ARF5: variants seen among roughly 807,000 people sequenced by gnomAD.
ARF5 encodes the protein ARF GTPase 5.
Under a neutral mutation model 24.8 loss-of-function variants are expected in ARF5, and 10 were observed. The observed-to-expected ratio is 0.40, with a 90% CI of 0.25 to 0.68. ARF5 has a LOEUF of 0.68. Among genes scored for constraint, ARF5 ranks in the 30% least tolerant of loss-of-function variants. The probability of loss-of-function intolerance (pLI) is 0.36; values close to 1 mark genes in which losing one functional copy is unlikely to be tolerated. For synonymous variants in ARF5, 102 were observed against 95.1 expected (o/e 1.07, Z -0.42); for missense variants, 135 against 239.2 (o/e 0.56, Z 2.87).
chr7:127,591,515 G>A lies in ARF5; in HGVS notation c.*216G>A. 1 of 504,484 alleles carries A rather than the reference G, an allele frequency of 2.0e-6. No individual in the cohort carries two copies. Among genetic ancestry groups the A allele is most frequent in the Non-Finnish European group, 3.4e-6 (1 of 291,008 alleles). The allele number at this position is 504,484 out of a possible 1,614,324, so 31.3% of individuals were successfully genotyped here. A position where few individuals can be genotyped will look rare whatever the true frequency, so the allele number is the denominator to read the frequency against. ...AGGGGTCCACTCTCCTGCCTGCTGGGACCTATGGAAGGGGCTTCCTGGCCA... is the reference window on the plus strand; with the variant it reads ...AGGGGTCCACTCTCCTGCCTGCTGGAACCTATGGAAGGGGCTTCCTGGCCA... On this transcript the variant is annotated 3_prime_UTR_variant, in exon 6 of 6. Coordinates refer to ENST00000000233, the MANE Select transcript of ARF5 (RefSeq NM_001662.4).
At chr7:127,588,987 C>T (rs894762909) in intron 1 of ARF5, 96 bp from the exon 2 acceptor site, 3 of 1,420,448 alleles carry the variant, frequency 2.1e-6, no homozygotes, top group Non-Finnish European at 3.0e-6. Context: ...CGCTCTCCGC[C>T]CCAGTCACCA....
chr7:127,590,859 A>G (rs1794276447), intron 4 of ARF5, 104 bp from the exon 5 acceptor site: 2 of 1,446,610 alleles, frequency 1.4e-6, no homozygotes, highest in African/African-American at 1.4e-5. Context: ...CAGACTGCAC[A>G]ATACTTTTTT....
rs757346789 is a variant in ARF5 at position 127,590,955 on chromosome 7, T to C, written c.331-8T>C. On this transcript the variant is annotated splice_polypyrimidine_tract_variant and splice_region_variant and intron_variant, in intron 4 of 5. Coordinates refer to ENST00000000233, the MANE Select transcript of ARF5 (RefSeq NM_001662.4). ...GCCTGGGTCCCACCTTCTCTTCTCCTCTCTCAGCTGCAGGAGGACGAGCTG... is the reference window on the plus strand; with the variant it reads ...GCCTGGGTCCCACCTTCTCTTCTCCCCTCTCAGCTGCAGGAGGACGAGCTG... 1.4e-5 allele frequency: 23 copies of C among 1,611,626 alleles called. No homozygotes were observed. The East Asian group carries it at 4.7e-4, about 33-fold the overall frequency.
In ARF5 at chr7:127,590,960, C is replaced by T. The variant is rs1352757187; in HGVS notation, c.331-3C>T. On this transcript the variant is annotated splice_polypyrimidine_tract_variant and splice_region_variant and intron_variant, in intron 4 of 5. Coordinates refer to ENST00000000233, the MANE Select transcript of ARF5 (RefSeq NM_001662.4). ...GGTCCCACCTTCTCTTCTCCTCTCT[C>T]AGCTGCAGGAGGACGAGCTGCGGGA... 1 of 1,612,160 alleles carries T rather than the reference C, an allele frequency of 6.2e-7. No homozygotes were observed. Among genetic ancestry groups the T allele is most frequent in the Non-Finnish European group, 8.5e-7 (1 of 1,178,898 alleles).
At chr7:127,589,242 C>G in intron 2 of ARF5, 79 bp downstream of exon 2, 3 of 1,495,888 alleles carry the variant, frequency 2.0e-6, no homozygotes, top group Non-Finnish European at 2.8e-6. Context: ...TGCCACTTTT[C>G]TGGAGCTGAC....
Position 127,590,108 on chromosome 7 carries a change from CAAGA to C in ARF5, c.303_306del (p.Gln101HisfsTer35). 6.2e-7 allele frequency: 1 copy of C among 1,613,970 alleles called. No homozygotes were observed. Among genetic ancestry groups the C allele is most frequent in the South Asian group, 1.1e-5 (1 of 91,088 alleles). ...GGACAGTAATGACCGGGAGCGGGTC[CAAGA>C]ATCTGCTGATGAACTCCAGAAGATG... On this transcript the variant is annotated frameshift_variant, in exon 4 of 6. Coordinates refer to ENST00000000233, the MANE Select transcript of ARF5 (RefSeq NM_001662.4). LOFTEE classifies it high-confidence loss of function.
At chr7:127,590,846 C>T (rs998226581) in intron 4 of ARF5, 117 bp from the exon 5 acceptor site, 25 of 1,349,310 alleles carry the variant, frequency 1.9e-5, no homozygotes, top group South Asian at 3.0e-5. Flanking sequence ...TTGTCTTCAA[C>T]GGCAGACTGC....
chr7:127,591,075 T>TA lies in ARF5; in HGVS notation c.444dup (p.Arg149ThrfsTer52), dbSNP rs1794280615. 6.2e-7 allele frequency: 1 copy of TA among 1,613,996 alleles called. No individual in the cohort carries two copies. Among genetic ancestry groups the TA allele is most frequent in the Non-Finnish European group, 8.5e-7 (1 of 1,179,966 alleles). On this transcript the variant is annotated frameshift_variant, in exon 5 of 6. Transcript: ENST00000000233. LOFTEE classifies it high-confidence loss of function. ...ACTGACAAGCTGGGGCTACAGCACT[T>TA]ACGCAGCCGCACGGTAGGGGTCCTG... is the stretch of plus-strand genomic sequence containing the variant.
In ARF5 at chr7:127,591,458, T is replaced by G. The variant is rs1038743214; in HGVS notation, c.*159T>G. On this transcript the variant is annotated 3_prime_UTR_variant, in exon 6 of 6. Transcript: ENST00000000233. ...TCCTGCCTGCATGTTCTCTCTGTTG[T>G]TGGAGCCTGGAGCCTTGCTCTCTGG... 1.6e-6 allele frequency: 1 copy of G among 639,150 alleles called. No homozygotes were observed. The highest frequency in any genetic ancestry group is 2.5e-6 in the Non-Finnish European group (1 of 392,434). The allele number at this position is 639,150 out of a possible 1,614,324, so 39.6% of individuals were successfully genotyped here. A position where few individuals can be genotyped will look rare whatever the true frequency, so the allele number is the denominator to read the frequency against.
At position 127,591,585 on chromosome 7, in the gene ARF5, T is replaced by G. The variant is rs1186115932; in HGVS notation, c.*286T>G. ...AGGAGCAGGGATCTGGGTTTCCTTT[T>G]TTTTTTCTGTTTTGGGTGTACTCTA... is the stretch of plus-strand genomic sequence containing the variant. On this transcript the variant is annotated 3_prime_UTR_variant, in exon 6 of 6. Transcript: ENST00000000233. The G allele has an allele frequency of 2.3e-5, 9 of 390,168 alleles. No individual in the cohort carries two copies. 24.2% of individuals were successfully genotyped at this position (390,168 alleles called of 1,614,324 possible). A position where few individuals can be genotyped will look rare whatever the true frequency, so the allele number is the denominator to read the frequency against.
At chr7:127,589,762 C>T (rs1371916716) in intron 3 of ARF5, 168 bp downstream of exon 3, 1 of 622,696 alleles carries the variant, frequency 1.6e-6, no homozygotes, top group East Asian at 2.7e-5. Context: ...TCACCTTAGT[C>T]TTCCCCAGCT....
rs1794283521 is a variant in ARF5, at chr7:127,591,254, G to A, written c.498G>A (p.Leu166=). 1.2e-6 allele frequency: 2 copies of A among 1,608,504 alleles called. No individual in the cohort carries two copies. Among genetic ancestry groups the A allele is most frequent in the South Asian group, 2.2e-5 (2 of 90,406 alleles). Residue 166 remains leucine, a synonymous_variant, in exon 6 of 6, where the codon CTG becomes CTA. Transcript: ENST00000000233. ...CCTGTGCCACCCAAGGCACAGGTCT[G>A]TACGATGGTCTGGACTGGCTGTCCC... The part of the protein sequence containing the change: ...QATCATQGTG[L]YDGLDWLSHE...
Position 127,590,053 on chromosome 7 carries a change from C to G in ARF5, c.259-13C>G. On this transcript the variant is annotated splice_polypyrimidine_tract_variant and intron_variant, in intron 3 of 5. Coordinates refer to ENST00000000233, the MANE Select transcript of ARF5 (RefSeq NM_001662.4). ...AGTGATTGCTTCTCCTTTCTTCCTT[C>G]CTTCCTGCCCAGGGCCTCATCTTTG... The G allele has an allele frequency of 1.2e-6, 2 of 1,613,304 alleles. No homozygotes were observed. Among genetic ancestry groups the G allele is most frequent in the Non-Finnish European group, 1.7e-6 (2 of 1,179,340 alleles).
At chr7:127,590,877 T>G in intron 4 of ARF5, 86 bp from the exon 5 acceptor site, 1 of 1,491,080 alleles carries the variant, frequency 6.7e-7, no homozygotes. Flanking sequence ...TTTTTTCCAA[T>G]CAAGATGCTA....
intron 4 of ARF5, 113 bp from the exon 5 acceptor site, chr7:127,590,850 A>C: frequency 7.3e-7 from 1 of 1,377,820 alleles, no homozygotes; most frequent in African/African-American, 1.5e-5. Context: ...CTTCAACGGC[A>C]GACTGCACAA....
chr7:127,590,805 A>T (rs1189074384), intron 4 of ARF5, among the ~76,000 whole-genome samples, 158 bp from the exon 5 acceptor site: 1 of 152,258 alleles, frequency 6.6e-6, no homozygotes, highest in East Asian at 1.9e-4. Context: ...TTATGGGCTC[A>T]GGTCACCTCA....
intron 3 of ARF5, 129 bp from the exon 4 acceptor site, chr7:127,589,937 C>T: frequency 1.2e-6 from 1 of 864,710 alleles, no homozygotes. Flanking sequence ...GTTCTGTAAA[C>T]TTCTGTAGAG....
Position 127,588,538 on chromosome 7 carries a change from G to A in ARF5, c.40G>A (p.Gly14Arg). The change falls in exon 1 of 6, where the codon GGG (glycine) becomes AGG (arginine). Residue 14 changes from glycine to arginine, a missense_variant. Gly to Arg is a moderately radical substitution (Grantham distance 125). Transcript: ENST00000000233. ...TVSALFSRIF[G>R]KKQMRILMVG... Reference sequence around the variant, plus strand: ...GTCCGCGCTCTTTTCGCGGATCTTCGGGAAGAAGCAGATGCGGATTCTCAT... The same window carrying A: ...GTCCGCGCTCTTTTCGCGGATCTTCAGGAAGAAGCAGATGCGGATTCTCAT... 7 of 1,464,514 alleles carry A rather than the reference G, an allele frequency of 4.8e-6. No individual in the cohort carries two copies. Among genetic ancestry groups the A allele is most frequent in the African/African-American group, 1.4e-5 (1 of 69,114 alleles). 90.7% of individuals were successfully genotyped at this position (1,464,514 alleles called of 1,614,324 possible).
chr7:127,588,530 G>A lies in ARF5; in HGVS notation c.32G>A (p.Arg11Gln). 2 of 1,464,904 alleles carry A rather than the reference G, an allele frequency of 1.4e-6. No individual in the cohort carries two copies. The highest frequency in any genetic ancestry group is 1.8e-6 in the Non-Finnish European group (2 of 1,097,200). The allele number at this position is 1,464,904 out of a possible 1,614,324, so 90.7% of individuals were successfully genotyped here. Reference sequence around the variant, plus strand: ...CTCACCGTGTCCGCGCTCTTTTCGCGGATCTTCGGGAAGAAGCAGATGCGG... The same window carrying A: ...CTCACCGTGTCCGCGCTCTTTTCGCAGATCTTCGGGAAGAAGCAGATGCGG... MGLTVSALFS[R>Q]IFGKKQMRIL... Residue 11 changes from arginine (R) to glutamine (Q), a missense_variant, in exon 1 of 6, where the codon CGG (arginine) becomes CAG (glutamine). By Grantham distance (43) the Arg-to-Gln change is conservative. Around this residue, in one of 3 missense-constraint regions of ARF5, gnomAD observed 25 missense variants for 30.6 expected, o/e 0.82. Transcript: ENST00000000233.
Sources: allele counts gnomAD v4.1 joint callset (sites outside exome capture counted in the v4.1 genomes callset), GRCh38; gene constraint gnomAD v4.1.1; regional missense constraint gnomAD v4.1.1; transcripts MANE v1.5; gene names NCBI Gene and HGNC (gene_info 2026-07-23, HGNC 2026-07-21).